The following CDH13 variants were observed in gnomAD, a reference collection of about 807,000 sequenced individuals.
The protein encoded by CDH13 is cadherin 13, also known as cadherin-13.
A neutral mutation model predicts 63.8 loss-of-function variants in CDH13; 24 were observed. The ratio of observed to expected loss-of-function variants is 0.38; its 90% CI spans 0.27 to 0.53. The LOEUF (loss-of-function observed/expected upper bound fraction) is 0.53. Among genes scored for constraint, CDH13 ranks in the 20% least tolerant of loss-of-function variants. CDH13 has a pLI of 0.85. For missense variants in CDH13, 1,049 were observed against 903.1 expected (o/e 1.16, Z -2.07); for synonymous variants, 503 against 355.3 (o/e 1.42, Z -4.67).
At chr16:83,175,679 A>G (rs2038091841) in intron 4 of CDH13, among the ~76,000 whole-genome samples, 1 of 144,582 alleles carries the variant, frequency 6.9e-6, no homozygotes, top group Non-Finnish European at 1.5e-5. Context: ...AAACAAACAA[A>G]CACCGTCATT....
chr16:83,142,598 C>T (rs962535928), intron 4 of CDH13, among the ~76,000 whole-genome samples: 1 of 152,296 alleles, frequency 6.6e-6, no homozygotes, highest in Non-Finnish European at 1.5e-5. Context: ...TAGTCCTTCT[C>T]CAGAGCACTG....
In CDH13 at chr16:83,162,572, T is replaced by G. The variant is rs75018350; in HGVS notation, c.483+37071T>G. Among the ~76,000 whole-genome samples the G allele has an allele frequency of 4.6e-4, 69 of 150,860 alleles. 1 individual carries two copies. Among genetic ancestry groups the G allele is most frequent in the East Asian group, 2.5e-3 (13 of 5,170 alleles). On this transcript the variant is annotated intron_variant, in intron 4 of 13. Coordinates refer to ENST00000567109, the MANE Select transcript of CDH13 (RefSeq NM_001257.5). Reference sequence around the variant, plus strand: ...AAAGCAAGGTGTTGAAAGAGCACCCTGAGTCTGACAGTCAGAGGGGAATCA... The same window carrying G: ...AAAGCAAGGTGTTGAAAGAGCACCCGGAGTCTGACAGTCAGAGGGGAATCA...
chr16:83,211,390 C>T (rs1248669021), intron 4 of CDH13, among the ~76,000 whole-genome samples: 2 of 152,172 alleles, frequency 1.3e-5, no homozygotes, highest in Non-Finnish European at 2.9e-5. Flanking sequence ...CACACATATA[C>T]ACATACAAAC....
At chr16:82,999,819 G>T (rs1407664850) in intron 2 of CDH13, among the ~76,000 whole-genome samples, 1 of 152,082 alleles carries the variant, frequency 6.6e-6, no homozygotes, top group Non-Finnish European at 1.5e-5. Context: ...GGCTAATGAC[G>T]CTGCCTCTGC....
intron 2 of CDH13, among the ~76,000 whole-genome samples, chr16:82,976,494 T>C (rs968505745): frequency 2.0e-4 from 31 of 152,214 alleles, no homozygotes; most frequent in African/African-American, 7.5e-4. Context: ...ATCCTCATCA[T>C]AGATTAAAAT....
At chr16:83,667,354 A>C (rs1914083966) in intron 8 of CDH13, among the ~76,000 whole-genome samples, 1 of 152,146 alleles carries the variant, frequency 6.6e-6, no homozygotes, top group Non-Finnish European at 1.5e-5. Context: ...GGTTTGTCTC[A>C]CTTATACATG....
intron 5 of CDH13, among the ~76,000 whole-genome samples, chr16:83,232,544 ACAAACAAAC>A: frequency 8.7e-6 from 1 of 115,312 alleles, no homozygotes; most frequent in East Asian, 2.0e-4. Context: ...AACAACAACA[ACAAACAAAC>A]AAAAAAAAAA....
Position 83,285,245 on chromosome 16 carries a change from T to C in CDH13, c.637-59617T>C, listed in dbSNP as rs563998144. 3.3e-5 allele frequency among the ~76,000 whole-genome samples: 5 copies of C among 152,342 alleles called. No individual in the cohort carries two copies. In the East Asian group the frequency reaches 9.6e-4, roughly 29 times the overall value. On this transcript the variant is annotated intron_variant, in intron 5 of 13. Transcript: ENST00000567109. ...CGTCTCACCTAGAAAAAAGTCATTA[T>C]GTAGTTTTTTCTGGGCTCATGGTTT...
rs1440709904 is a variant in CDH13 at position 83,637,268 on chromosome 16, G to A, written c.1102-33522G>A. On this transcript the variant is annotated intron_variant, in intron 8 of 13. Coordinates refer to ENST00000567109, the MANE Select transcript of CDH13 (RefSeq NM_001257.5). ...AACAGATCTCGGGAGGAGCCAAGAT[G>A]GCCGAATAGGAACAGCTCCGGTCTA... Among the ~76,000 whole-genome samples the A allele has an allele frequency of 2.8e-5, 4 of 140,632 alleles. 1 individual carries two copies. The highest frequency in any genetic ancestry group is 6.1e-5 in the Non-Finnish European group (4 of 65,810). 92.3% of individuals were successfully genotyped at this position (140,632 alleles called of 152,430 possible).
At chr16:82,740,217 C>T (rs939491425) in intron 1 of CDH13, among the ~76,000 whole-genome samples, 2 of 152,166 alleles carry the variant, frequency 1.3e-5, no homozygotes, top group Non-Finnish European at 2.9e-5. Flanking sequence ...CATGCCATCC[C>T]AACAGAATCA....
rs71146097 is a variant in CDH13, at chr16:82,929,651, C to CAAAAAAAAAAAAAAAAAAAAAAA, written c.157+71188_157+71210dup. Reference sequence around the variant, plus strand: ...TGGGGGACAGAGTGAGACTCCATCTCAAAAAAAAAAAAAAAAAAAAAAAAA... The same window carrying CAAAAAAAAAAAAAAAAAAAAAAA: ...TGGGGGACAGAGTGAGACTCCATCTCAAAAAAAAAAAAAAAAAAAAAAAAAAAAAAAAAAAAAAAAAAAAAAAA... On this transcript the variant is annotated intron_variant, in intron 2 of 13. Transcript: ENST00000567109. Among the ~76,000 whole-genome samples, 11 of 44,280 alleles carry CAAAAAAAAAAAAAAAAAAAAAAA rather than the reference C, an allele frequency of 2.5e-4. 2 individuals are homozygous for CAAAAAAAAAAAAAAAAAAAAAAA. Among genetic ancestry groups the CAAAAAAAAAAAAAAAAAAAAAAA allele is most frequent in the East Asian group, 4.6e-3 (2 of 432 alleles). 29.0% of individuals were successfully genotyped at this position (44,280 alleles called of 152,430 possible).
intron 3 of CDH13, among the ~76,000 whole-genome samples, chr16:83,032,751 G>A (rs748437810): frequency 2.0e-5 from 3 of 152,156 alleles, no homozygotes; most frequent in Non-Finnish European, 2.9e-5. Context: ...CCACGTCTCG[G>A]TCACATTTCT....
At chr16:82,781,570 A>C (rs1291541253) in intron 1 of CDH13, among the ~76,000 whole-genome samples, 1 of 151,738 alleles carries the variant, frequency 6.6e-6, no homozygotes, top group Non-Finnish European at 1.5e-5. Flanking sequence ...CCATCCATCC[A>C]CCCACCTACC....
chr16:83,335,894 C>G (rs1011443404), intron 5 of CDH13, among the ~76,000 whole-genome samples: 1 of 152,126 alleles, frequency 6.6e-6, no homozygotes, highest in Non-Finnish European at 1.5e-5. Context: ...GCTCTTGAGA[C>G]AGGAATCTTG....
chr16:82,751,049 T>A (rs1295715174), intron 1 of CDH13, among the ~76,000 whole-genome samples: 3 of 152,248 alleles, frequency 2.0e-5, no homozygotes, highest in Non-Finnish European at 4.4e-5. Context: ...ATCCTCCTCC[T>A]TCCTGATCTT....
intron 10 of CDH13, among the ~76,000 whole-genome samples, chr16:83,715,623 A>G (rs1163619299): frequency 2.6e-5 from 4 of 152,210 alleles, no homozygotes; most frequent in East Asian, 1.9e-4. Context: ...AACGAATGCA[A>G]AAACAGTGTC....
At chr16:83,161,535 C>T (rs1350399355) in intron 4 of CDH13, among the ~76,000 whole-genome samples, 3 of 152,106 alleles carry the variant, frequency 2.0e-5, no homozygotes, top group African/African-American at 7.2e-5. Context: ...TCAAGCAGTG[C>T]AAATACTAAA....
intron 2 of CDH13, among the ~76,000 whole-genome samples, chr16:82,965,710 C>A (rs1907701004): frequency 6.6e-6 from 1 of 152,138 alleles, no homozygotes; most frequent in Non-Finnish European, 1.5e-5. Flanking sequence ...CCAGGCTGGT[C>A]TCAAACTACT....
At chr16:83,377,891 C>T (rs1380604359) in intron 6 of CDH13, among the ~76,000 whole-genome samples, 1 of 152,116 alleles carries the variant, frequency 6.6e-6, no homozygotes, top group African/African-American at 2.4e-5. Flanking sequence ...AAGGTGTCCC[C>T]TTCAAGCAGA....
Sources: gnomAD v4.1 joint callset for allele counts (sites outside exome capture counted in the v4.1 genomes callset) on GRCh38, gnomAD v4.1.1 for gene constraint, MANE v1.5 for transcripts, NCBI Gene and HGNC (gene_info 2026-07-23, HGNC 2026-07-21) for gene names.